FBRS: variants seen among roughly 807,000 people sequenced by gnomAD.
FBRS encodes probable fibrosin-1.
A neutral mutation model predicts 86.1 loss-of-function variants in FBRS; 15 were observed. The observed-to-expected ratio is 0.17, with a 90% confidence interval of 0.12 to 0.27. The LOEUF is 0.27. Ranked by LOEUF, FBRS falls within the 10% of genes least tolerant of loss-of-function variation. The probability of loss-of-function intolerance (pLI) is 1.00; values close to 1 mark genes in which losing one functional copy is unlikely to be tolerated. For synonymous variants in FBRS, 666 were observed against 575.8 expected, an observed-to-expected ratio of 1.16 and a Z score of -2.24; for missense variants, 1,367 against 1,301.6, an observed-to-expected ratio of 1.05 and a Z score of -0.77.
At position 30,660,096 on chromosome 16, in the gene FBRS, G is replaced by T. The variant is rs951780755; in HGVS notation, c.459+119G>T. Reference sequence around the variant, plus strand: ...CTGGCACCCCAAACCAGAGCAACCGGCTCCTCTGGCCAGGCCTCTGCCCCG... The same window carrying T: ...CTGGCACCCCAAACCAGAGCAACCGTCTCCTCTGGCCAGGCCTCTGCCCCG... On this transcript the variant is annotated intron_variant, in intron 1 of 17. Transcript: ENST00000356166. 6.9e-6 allele frequency: 10 copies of T among 1,447,448 alleles called. No individual in the cohort carries two copies. In the East Asian group the frequency reaches 2.4e-4, roughly 34 times the overall value. 89.7% of individuals were successfully genotyped at this position (1,447,448 alleles called of 1,614,324 possible).
At chr16:30,662,937 G>A (rs1329066961) in intron 6 of FBRS, 78 bp downstream of exon 6, 8 of 1,348,912 alleles carry the variant, frequency 5.9e-6, no homozygotes, top group Non-Finnish European at 7.7e-6. Context: ...TGGTACCTGT[G>A]GGGTATGACT....
rs1596612474 is a variant in FBRS, at chr16:30,660,276, T to C, written c.473T>C (p.Leu158Pro). 7.6e-7 allele frequency: 1 copy of C among 1,312,658 alleles called. No homozygotes were observed. The highest frequency in any genetic ancestry group is 3.1e-5 in the East Asian group (1 of 32,404). 81.3% of individuals were successfully genotyped at this position (1,312,658 alleles called of 1,614,324 possible). ...TLEALQKDAS[L>P]QPPERLEHRL... The stretch of plus-strand genomic sequence containing the variant: ...CCTCCTCCACAGAAGGATGCATCTC[T>C]TCAGCCCCCAGAGCGACTGGAACAT... Residue 158 changes from leucine to proline, a missense_variant, in exon 2 of 18, where the codon CTT becomes CCT. This residue lies in a region of FBRS where 702 missense variants were observed against 598.7 expected (regional missense o/e 1.17). Transcript: ENST00000356166.
Position 30,669,785 on chromosome 16 carries a change from G to A in FBRS, c.*140G>A. 1.8e-6 allele frequency: 2 copies of A among 1,123,970 alleles called. No individual in the cohort carries two copies. The highest frequency in any genetic ancestry group is 1.6e-5 in the South Asian group (1 of 60,928). The allele number at this position is 1,123,970 out of a possible 1,614,324, so 69.6% of individuals were successfully genotyped here. A position where few individuals can be genotyped will look rare whatever the true frequency, so the allele number is the denominator to read the frequency against. The stretch of plus-strand genomic sequence containing the variant: ...TCTGAGGTCATGGAACCTGGGAACA[G>A]AAGCCTCAACCCCCACAAGACCAAG... On this transcript the variant is annotated 3_prime_UTR_variant, in exon 18 of 18. Coordinates refer to ENST00000356166, the MANE Select transcript of FBRS (RefSeq NM_001105079.3). This position sits in a 1 kb window ranked among gnomAD's most constrained non-coding sequence, Gnocchi z 5.9.
Position 30,669,031 on chromosome 16 carries a change from C to A in FBRS, c.2367-38C>A. ...GCCCCACCCTCAGCCCCTGCTGCCC[C>A]TGGAGAACTTCATTCTCTCCCCACG... On this transcript the variant is annotated intron_variant, in intron 17 of 17. Coordinates refer to ENST00000356166, the MANE Select transcript of FBRS (RefSeq NM_001105079.3). The surrounding 1 kb of genome is among the most constrained non-coding windows in gnomAD (Gnocchi z 5.9). 6.3e-7 allele frequency: 1 copy of A among 1,578,658 alleles called. No homozygotes were observed. Among genetic ancestry groups the A allele is most frequent in the East Asian group, 2.3e-5 (1 of 43,280 alleles).
At position 30,659,676 on chromosome 16, in the gene FBRS, G is replaced by A. The variant is rs1435613048; in HGVS notation, c.158G>A (p.Gly53Asp). Residue 53 changes from glycine to aspartate, a missense_variant, in exon 1 of 18, where the codon GGC (glycine) becomes GAC (aspartate). Gly to Asp is a moderately conservative substitution (Grantham distance 94, BLOSUM62 -1). Transcript: ENST00000356166. ...APRALLAAPR[G>D]SSSSSSPPPP... ...CGGGCCCTGTTGGCCGCCCCGCGCGGCTCCTCGTCCTCGTCGTCGCCGCCG... is the reference window on the plus strand; with the variant it reads ...CGGGCCCTGTTGGCCGCCCCGCGCGACTCCTCGTCCTCGTCGTCGCCGCCG... The A allele has an allele frequency of 1.4e-6, 1 of 724,072 alleles. No homozygotes were observed. Among genetic ancestry groups the A allele is most frequent in the South Asian group, 1.9e-5 (1 of 53,620 alleles). The allele number at this position is 724,072 out of a possible 1,614,324, so 44.9% of individuals were successfully genotyped here.
rs1165292663 is a variant in FBRS at position 30,669,201 on chromosome 16, C to CGCCGCT, written c.2508_2513dup (p.Ala848_Ala849dup). Reference sequence around the variant, plus strand: ...AAGAGCGGAAGGAGGAGGCTGCCGCCGCCGCTGCCGCTGCTGCTGCCGCCG... The same window carrying CGCCGCT: ...AAGAGCGGAAGGAGGAGGCTGCCGCCGCCGCTGCCGCTGCCGCTGCTGCTGCCGCCG... On this transcript the variant is annotated inframe_insertion, in exon 18 of 18. Transcript: ENST00000356166. The surrounding 1 kb of genome is among the most constrained non-coding windows in gnomAD (Gnocchi z 5.9). 21 of 1,544,470 alleles carry CGCCGCT rather than the reference C, an allele frequency of 1.4e-5. No individual in the cohort carries two copies. Among genetic ancestry groups the CGCCGCT allele is most frequent in the African/African-American group, 5.5e-5 (4 of 72,700 alleles).
intron 11 of FBRS, 93 bp from the exon 12 acceptor site, chr16:30,666,419 A>G (rs2052522380): frequency 6.6e-7 from 1 of 1,513,746 alleles, no homozygotes; most frequent in Non-Finnish European, 9.2e-7. Context: ...TGTCTCAGGC[A>G]TGTTGGGGGT....
In FBRS at chr16:30,662,599, A is replaced by G; in HGVS notation, c.795A>G (p.Ala265=). The change falls in exon 6 of 18, where the codon GCA becomes GCG. Residue 265 remains alanine (A), a synonymous_variant. Transcript: ENST00000356166. ...PHGAFNGNCE[A]KLSVVPKVSG... ...GCGCCTTCAATGGGAACTGTGAAGC[A>G]AAACTCTCCGTGGTCCCTAAAGTGT... 1.9e-6 allele frequency: 3 copies of G among 1,541,652 alleles called. No individual in the cohort carries two copies. The highest frequency in any genetic ancestry group is 1.4e-5 in the African/African-American group (1 of 72,920).
Position 30,669,656 on chromosome 16 carries a change from G to GA in FBRS, c.*11_*12insA. On this transcript the variant is annotated 3_prime_UTR_variant, in exon 18 of 18. Coordinates refer to ENST00000356166, the MANE Select transcript of FBRS (RefSeq NM_001105079.3). The surrounding 1 kb of genome is among the most constrained non-coding windows in gnomAD (Gnocchi z 5.9). Reference sequence around the variant, plus strand: ...CGGGCTGACAGGTGAGGGGAACGGGGGGGGGTCGGGGCAAAGCTCCATCTC... The same window carrying GA: ...CGGGCTGACAGGTGAGGGGAACGGGGAGGGGGTCGGGGCAAAGCTCCATCTC... 1 of 1,580,098 alleles carries GA rather than the reference G, an allele frequency of 6.3e-7. No individual in the cohort carries two copies. The highest frequency in any genetic ancestry group is 8.6e-7 in the Non-Finnish European group (1 of 1,168,086).
Position 30,668,944 on chromosome 16 carries a change from G to A in FBRS, c.2331G>A (p.Arg777=), listed in dbSNP as rs2052556727. The A allele has an allele frequency of 6.3e-7, 1 of 1,588,274 alleles. No individual in the cohort carries two copies. Among genetic ancestry groups the A allele is most frequent in the Non-Finnish European group, 8.5e-7 (1 of 1,169,938 alleles). Residue 777 remains arginine, a synonymous_variant, in exon 17 of 18, where the codon CGG becomes CGA. Transcript: ENST00000356166. ...CAGACAAGGAGCGGCCTGTGGAGCG[G>A]AGGGAGCCCTCCATCACCAAGGAGG... is the stretch of plus-strand genomic sequence containing the variant. ...PGSDKERPVE[R]REPSITKEEK...
chr16:30,664,542 G>A (rs1377157414), intron 7 of FBRS, 26 bp downstream of exon 7: 7 of 1,424,618 alleles, frequency 4.9e-6, no homozygotes, highest in African/African-American at 2.9e-5. Context: ...TGGCCGGGGG[G>A]TGGGGGGCCA....
chr16:30,660,557 G>A (rs2052447140), intron 2 of FBRS, 115 bp downstream of exon 2: 8 of 1,255,560 alleles, frequency 6.4e-6, no homozygotes, highest in East Asian at 3.1e-5. Context: ...GGGCAAAGAG[G>A]CAAGCAGGGC....
rs749265318 is a variant in FBRS, at chr16:30,665,628, C to T, written c.1705-10C>T. ...CTCTCCTGTCTGATCCCTCCACTCC[C>T]CTTTCCCAGAGCACGAACCCTGAGC... is the stretch of plus-strand genomic sequence containing the variant. On this transcript the variant is annotated splice_polypyrimidine_tract_variant and intron_variant, in intron 10 of 17. Transcript: ENST00000356166. The surrounding 1 kb of genome is among the most constrained non-coding windows in gnomAD (Gnocchi z 4.1). 29 of 1,581,356 alleles carry T rather than the reference C, an allele frequency of 1.8e-5. No homozygotes were observed. The African/African-American group carries it at 3.8e-4, about 21-fold the overall frequency.
At chr16:30,660,589 C>A in intron 2 of FBRS, 147 bp downstream of exon 2, 1 of 1,229,838 alleles carries the variant, frequency 8.1e-7, no homozygotes, top group Non-Finnish European at 1.0e-6. Flanking sequence ...CTTACTCATC[C>A]GGGTCTGACG....
At position 30,670,244 on chromosome 16, in the gene FBRS, A is replaced by G; in HGVS notation, c.*599A>G. 2.2e-6 allele frequency: 1 copy of G among 456,816 alleles called. No homozygotes were observed. The highest frequency in any genetic ancestry group is 4.4e-6 in the Non-Finnish European group (1 of 226,468). The allele number at this position is 456,816 out of a possible 1,614,324, so 28.3% of individuals were successfully genotyped here. On this transcript the variant is annotated 3_prime_UTR_variant, in exon 18 of 18. Transcript: ENST00000356166. ...GTGGGGAAAGGGGACTGCAGGGGGAAGAGCCGGGAAGGGACAGTCAGGCTT... is the reference window on the plus strand; with the variant it reads ...GTGGGGAAAGGGGACTGCAGGGGGAGGAGCCGGGAAGGGACAGTCAGGCTT...
chr16:30,659,836 G>GGAGGAA lies in FBRS; in HGVS notation c.324_329dup (p.Glu114_Glu115dup), dbSNP rs1258992458. 9 of 1,528,086 alleles carry GGAGGAA rather than the reference G, an allele frequency of 5.9e-6. No homozygotes were observed. Among genetic ancestry groups the GGAGGAA allele is most frequent in the South Asian group, 2.4e-5 (2 of 83,622 alleles). The allele number at this position is 1,528,086 out of a possible 1,614,324, so 94.7% of individuals were successfully genotyped here. A position where few individuals can be genotyped will look rare whatever the true frequency, so the allele number is the denominator to read the frequency against. On this transcript the variant is annotated inframe_insertion, in exon 1 of 18. Coordinates refer to ENST00000356166, the MANE Select transcript of FBRS (RefSeq NM_001105079.3). ...GGCCTGCCGGCTCGGGCAGCCGCGGGGAGGAAGAGGAGGAGGAGGAGGAGG... is the reference window on the plus strand; with the variant it reads ...GGCCTGCCGGCTCGGGCAGCCGCGGGGAGGAAGAGGAAGAGGAGGAGGAGGAGGAGG...
rs1179430945 is a variant in FBRS, at chr16:30,665,538, A to G, written c.1705-100A>G. ...GCCCTGCTGCACCCAGTTTTCTCCA[A>G]AGCCATGATCCCTCCCTGCCCAGTG... On this transcript the variant is annotated intron_variant, in intron 10 of 17. Coordinates refer to ENST00000356166, the MANE Select transcript of FBRS (RefSeq NM_001105079.3). The surrounding 1 kb of genome is among the most constrained non-coding windows in gnomAD (Gnocchi z 4.1). The G allele has an allele frequency of 1.4e-6, 2 of 1,466,872 alleles. No homozygotes were observed. Among genetic ancestry groups the G allele is most frequent in the Admixed American group, 4.0e-5 (2 of 50,628 alleles). The allele number at this position is 1,466,872 out of a possible 1,614,324, so 90.9% of individuals were successfully genotyped here.
In FBRS at chr16:30,659,461, T is replaced by C; in HGVS notation, c.-58T>C. 4.0e-6 allele frequency: 1 copy of C among 248,420 alleles called. No individual in the cohort carries two copies. Among genetic ancestry groups the C allele is most frequent in the Non-Finnish European group, 7.7e-6 (1 of 130,664 alleles). 15.4% of individuals were successfully genotyped at this position (248,420 alleles called of 1,614,324 possible). A position where few individuals can be genotyped will look rare whatever the true frequency, so the allele number is the denominator to read the frequency against. ...AGCGCCGCGCCTGCGACCCCGGGCC[T>C]GCGGACAGGCCGCTTCGGGCCCCGC... On this transcript the variant is annotated 5_prime_UTR_variant, in exon 1 of 18. Transcript: ENST00000356166.
Position 30,664,417 on chromosome 16 carries a change from C to A in FBRS, c.1258C>A (p.His420Asn). The part of the protein sequence containing the change: ...PGLRPPPPPH[H>N]PSLFSPGPTL... ...GCTGCGGCCCCCCCCACCACCCCAC[C>A]ACCCCTCCTTGTTCTCCCCTGGCCC... The change falls in exon 7 of 18, where the codon CAC becomes AAC. Residue 420 changes from histidine (H) to asparagine (N), a missense_variant. By Grantham distance (68) the His-to-Asn change is moderately conservative. Around this residue, in one of 3 missense-constraint regions of FBRS, gnomAD observed 702 missense variants for 598.7 expected, o/e 1.17. Coordinates refer to ENST00000356166, the MANE Select transcript of FBRS (RefSeq NM_001105079.3). 1 of 1,422,278 alleles carries A rather than the reference C, an allele frequency of 7.0e-7. No homozygotes were observed. Among genetic ancestry groups the A allele is most frequent in the Non-Finnish European group, 9.4e-7 (1 of 1,066,610 alleles). 88.1% of individuals were successfully genotyped at this position (1,422,278 alleles called of 1,614,324 possible).
Sources: allele counts gnomAD v4.1 joint callset, GRCh38; gene constraint gnomAD v4.1.1; regional missense constraint gnomAD v4.1.1; non-coding constraint Gnocchi (gnomAD v3.1); transcripts MANE v1.5; gene names NCBI Gene and HGNC (gene_info 2026-07-23, HGNC 2026-07-21).